Variants in WWP1 observed in about 807,000 individuals in gnomAD.
WWP1 encodes the protein WW domain containing E3 ubiquitin protein ligase 1.
WWP1 carries 49 observed loss-of-function variants against 130.6 expected under a neutral mutation model. The observed-to-expected ratio is 0.38, with a 90% CI of 0.30 to 0.48. The LOEUF (loss-of-function observed/expected upper bound fraction) is 0.48. WWP1 is among the 20% of genes least tolerant of loss of function. The probability of loss-of-function intolerance (pLI) is 0.99; values close to 1 mark genes in which losing one functional copy is unlikely to be tolerated. For missense variants in WWP1, 809 were observed against 1,100.6 expected (o/e 0.74, Z 3.75); for synonymous variants, 332 against 367.8 (o/e 0.90, Z 1.11).
At chr8:86,382,541 G>C (rs1825040697) in intron 5 of WWP1, among the ~76,000 whole-genome samples, 2 of 152,112 alleles carry the variant, frequency 1.3e-5, no homozygotes, top group East Asian at 1.9e-4. Context: ...TCTACTAAAA[G>C]TACAAAAATT....
chr8:86,452,273 T>C (rs1001159665), intron 20 of WWP1, among the ~76,000 whole-genome samples: 8 of 152,214 alleles, frequency 5.3e-5, no homozygotes, highest in Non-Finnish European at 8.8e-5. Context: ...TCTTACTAAA[T>C]AGTGAAGAAC....
chr8:86,359,910 G>A (rs369024258), intron 1 of WWP1, among the ~76,000 whole-genome samples: 24 of 151,892 alleles, frequency 1.6e-4, no homozygotes, highest in African/African-American at 5.8e-4. Context: ...TTAGCCGGGC[G>A]TGGTGGCGGG....
At chr8:86,349,467 C>T (rs988646469) in intron 1 of WWP1, among the ~76,000 whole-genome samples, 10 of 152,186 alleles carry the variant, frequency 6.6e-5, no homozygotes, top group African/African-American at 2.4e-4. Context: ...TAACAGATTA[C>T]CATAAATTTT....
At chr8:86,402,808 A>G (rs1336240584) in intron 8 of WWP1, among the ~76,000 whole-genome samples, 1 of 152,234 alleles carries the variant, frequency 6.6e-6, no homozygotes, top group East Asian at 1.9e-4. Flanking sequence ...TATAAAATAT[A>G]TTTCTGAAAG....
chr8:86,447,666 A>G (rs1009667533), intron 18 of WWP1, among the ~76,000 whole-genome samples: 1 of 152,044 alleles, frequency 6.6e-6, no homozygotes, highest in African/African-American at 2.4e-5. Flanking sequence ...GCTTCAGTGG[A>G]TTTTTTTAGT....
At chr8:86,450,817 T>G (rs1176083062) in intron 20 of WWP1, among the ~76,000 whole-genome samples, 2 of 152,160 alleles carry the variant, frequency 1.3e-5, no homozygotes, top group Admixed American at 6.6e-5. Context: ...GGTGGAAATA[T>G]ATATGAAGTA....
intron 1 of WWP1, among the ~76,000 whole-genome samples, chr8:86,347,559 C>T (rs2130076622): frequency 6.6e-6 from 1 of 152,182 alleles, no homozygotes; most frequent in East Asian, 1.9e-4. Flanking sequence ...TCAGTTTTTT[C>T]CTTTGTGTTA....
At chr8:86,441,798 T>TA (rs1810605847) in intron 17 of WWP1, among the ~76,000 whole-genome samples, 1 of 152,216 alleles carries the variant, frequency 6.6e-6, no homozygotes, top group Non-Finnish European at 1.5e-5. Context: ...GAGCCCCATC[T>TA]AGAGAATAGA....
chr8:86,460,961 C>A (rs11994220), intron 22 of WWP1, among the ~76,000 whole-genome samples: 1 of 151,474 alleles, frequency 6.6e-6, no homozygotes, highest in East Asian at 2.0e-4. Flanking sequence ...AGGCGCCCGA[C>A]ACCACGCCCG....
At chr8:86,464,653 C>T (rs924989078) in intron 24 of WWP1, among the ~76,000 whole-genome samples, 1 of 152,092 alleles carries the variant, frequency 6.6e-6, no homozygotes, top group African/African-American at 2.4e-5. Context: ...GTAGCTGGGA[C>T]CACCAGTGCA....
intron 20 of WWP1, among the ~76,000 whole-genome samples, chr8:86,450,185 T>A (rs556921373): frequency 6.6e-6 from 1 of 152,200 alleles, no homozygotes; most frequent in Non-Finnish European, 1.5e-5. Context: ...GCTTACCAAC[T>A]TTAATGTACC....
At chr8:86,466,380 T>G (rs1020379022) in intron 24 of WWP1, among the ~76,000 whole-genome samples, 2 of 152,124 alleles carry the variant, frequency 1.3e-5, no homozygotes, top group Non-Finnish European at 2.9e-5. Context: ...GGATTTTAGT[T>G]TTCTTCACTG....
At position 86,452,469 on chromosome 8, in the gene WWP1, AAGAG is replaced by A. The variant is rs1288493485; in HGVS notation, c.2274-88_2274-85del. 13 of 1,148,422 alleles carry A rather than the reference AAGAG, an allele frequency of 1.1e-5. 1 individual carries two copies. In the East Asian group the frequency reaches 3.3e-4, roughly 29 times the overall value. The allele number at this position is 1,148,422 out of a possible 1,614,324, so 71.1% of individuals were successfully genotyped here. On this transcript the variant is annotated intron_variant, in intron 20 of 24. Coordinates refer to ENST00000517970, the MANE Select transcript of WWP1 (RefSeq NM_007013.4). Reference sequence around the variant, plus strand: ...TTTATATATATGGCATATTTAGAAAAAGAGAAAGAACTATAGAAGTTCTTGGTGT... The same window carrying A: ...TTTATATATATGGCATATTTAGAAAAAAAGAACTATAGAAGTTCTTGGTGT...
chr8:86,439,720 G>A (rs115595223), intron 17 of WWP1, among the ~76,000 whole-genome samples: 2,383 of 152,232 alleles, frequency 0.016, 62 homozygotes, highest in African/African-American at 0.055. Flanking sequence ...CAATATGGGT[G>A]GAAAATCCTT....
intron 2 of WWP1, among the ~76,000 whole-genome samples, chr8:86,373,201 G>A (rs1824434472): frequency 6.6e-6 from 1 of 151,686 alleles, no homozygotes; most frequent in African/African-American, 2.4e-5. Flanking sequence ...TTGTATTACG[G>A]ACAGAAACTT....
At chr8:86,384,963 G>T (rs1342974384) in intron 5 of WWP1, among the ~76,000 whole-genome samples, 3 of 151,630 alleles carry the variant, frequency 2.0e-5, no homozygotes, top group Non-Finnish European at 2.9e-5. Flanking sequence ...GGTGGTGGTT[G>T]CAGTGAGCCA....
intron 9 of WWP1, among the ~76,000 whole-genome samples, chr8:86,419,919 G>C (rs1809104647): frequency 6.6e-6 from 1 of 152,210 alleles, no homozygotes; most frequent in Non-Finnish European, 1.5e-5. Context: ...CAGTGGAAGA[G>C]AGTGGGTCCA....
chr8:86,388,685 T>A (rs1825430971), intron 5 of WWP1, among the ~76,000 whole-genome samples: 1 of 152,174 alleles, frequency 6.6e-6, no homozygotes, highest in Non-Finnish European at 1.5e-5. Context: ...TGTTTTCCAT[T>A]GTATTTTTAG....
At chr8:86,392,573 A>T (rs1807413356) in intron 5 of WWP1, among the ~76,000 whole-genome samples, 1 of 152,178 alleles carries the variant, frequency 6.6e-6, no homozygotes, top group Non-Finnish European at 1.5e-5. Flanking sequence ...TAATGAATAA[A>T]TCTCTCTTTA....
Sources: allele counts gnomAD v4.1 joint callset (sites outside exome capture counted in the v4.1 genomes callset), GRCh38; gene constraint gnomAD v4.1.1; transcripts MANE v1.5; gene names NCBI Gene and HGNC (gene_info 2026-07-23, HGNC 2026-07-21).